RAB2A: variants seen among roughly 807,000 people sequenced by gnomAD.
RAB2A encodes the protein RAB2A, member RAS oncogene family.
Under a neutral mutation model 32.5 loss-of-function variants are expected in RAB2A, and 7 were observed. The ratio of observed to expected loss-of-function variants is 0.22; its 90% CI spans 0.12 to 0.40. The LOEUF is 0.40. RAB2A is among the 10% of genes least tolerant of loss of function. The pLI is 1.00. For missense variants in RAB2A, 108 were observed against 260.7 expected (o/e 0.41, Z 4.03); for synonymous variants, 79 against 85.2 (o/e 0.93, Z 0.40).
Position 60,622,431 on chromosome 8 carries a change from GAA to G in RAB2A, c.*1665_*1666del, listed in dbSNP as rs898783965. ...CTTGAGGGCAGAGGGAAGGGTGAGA[GAA>G]AATCTGTTTTCATGGGTATTTGTAG... is the stretch of plus-strand genomic sequence containing the variant. On this transcript the variant is annotated 3_prime_UTR_variant, in exon 8 of 8. Coordinates refer to ENST00000262646, the MANE Select transcript of RAB2A (RefSeq NM_002865.3). The G allele has an allele frequency of 6.6e-6, 1 of 152,184 alleles. No homozygotes were observed. The highest frequency in any genetic ancestry group is 1.5e-5 in the Non-Finnish European group (1 of 68,030). 9.4% of individuals were successfully genotyped at this position (152,184 alleles called of 1,614,324 possible). A position where few individuals can be genotyped will look rare whatever the true frequency, so the allele number is the denominator to read the frequency against.
At chr8:60,521,158 C>G (rs1807296032) in intron 1 of RAB2A, among the ~76,000 whole-genome samples, 1 of 152,158 alleles carries the variant, frequency 6.6e-6, no homozygotes. Flanking sequence ...AAGGTCTTTG[C>G]CTTTGTCTTA....
At chr8:60,571,211 T>C (rs1287723789) in intron 2 of RAB2A, among the ~76,000 whole-genome samples, 1 of 152,194 alleles carries the variant, frequency 6.6e-6, no homozygotes, top group Non-Finnish European at 1.5e-5. Flanking sequence ...TGTCCTGTAA[T>C]CCTATTTCTT....
chr8:60,547,597 GCGGCCGGGCAGAGGCGCCCCTCACCTCC>G (rs1807756540), intron 1 of RAB2A, among the ~76,000 whole-genome samples: 1 of 125,626 alleles, frequency 8.0e-6, no homozygotes, highest in Non-Finnish European at 1.7e-5. Context: ...CCCAGTAGGG[GCGGCCGGGCAGAGGCGCCCCTCACCTCC>G]CGGACGGGGC....
At chr8:60,534,856 C>T (rs943658291) in intron 1 of RAB2A, among the ~76,000 whole-genome samples, 3 of 152,004 alleles carry the variant, frequency 2.0e-5, no homozygotes, top group Admixed American at 6.6e-5. Context: ...CTAAGTGGGG[C>T]AGATTTCTAC....
chr8:60,570,713 A>C (rs1808186159), intron 2 of RAB2A, among the ~76,000 whole-genome samples: 2 of 152,206 alleles, frequency 1.3e-5, no homozygotes. Context: ...AGCCTAAGAA[A>C]CATAAACATC....
intron 6 of RAB2A, among the ~76,000 whole-genome samples, chr8:60,616,199 G>A (rs977383534): frequency 6.6e-6 from 1 of 152,124 alleles, no homozygotes; most frequent in African/African-American, 2.4e-5. Context: ...AATAAAATTA[G>A]TAGTGACTTA....
chr8:60,543,356 T>C (rs973633466), intron 1 of RAB2A, among the ~76,000 whole-genome samples: 1 of 105,714 alleles, frequency 9.5e-6, no homozygotes, highest in Non-Finnish European at 1.9e-5. Context: ...GCAGCAGAAC[T>C]GTACTCTCTA....
Position 60,566,143 on chromosome 8 carries a change from GTA to G in RAB2A, c.119-5901_119-5900del, listed in dbSNP as rs1808109911. On this transcript the variant is annotated intron_variant, in intron 2 of 7. Transcript: ENST00000262646. ...GGCCCTCCAGCAACCACTGAGTGGT[GTA>G]TGTTTGGTGTGTGTTAGTGCCTTCT... 2.0e-5 allele frequency among the ~76,000 whole-genome samples: 3 copies of G among 152,198 alleles called. No individual in the cohort carries two copies. In the South Asian group the frequency reaches 6.2e-4, roughly 31 times the overall value.
intron 1 of RAB2A, among the ~76,000 whole-genome samples, chr8:60,520,684 T>C (rs1306449970): frequency 1.3e-5 from 2 of 152,254 alleles, no homozygotes; most frequent in African/African-American, 4.8e-5. Context: ...CTGTTGCATT[T>C]TATGCTGGTC....
intron 2 of RAB2A, among the ~76,000 whole-genome samples, chr8:60,570,495 GT>G (rs1468559716): frequency 6.6e-6 from 1 of 151,952 alleles, no homozygotes; most frequent in Non-Finnish European, 1.5e-5. Context: ...TCATTAATGG[GT>G]TTTGTGTATG....
intron 2 of RAB2A, among the ~76,000 whole-genome samples, chr8:60,567,934 T>C (rs1001502711): frequency 6.6e-6 from 1 of 152,226 alleles, no homozygotes; most frequent in African/African-American, 2.4e-5. Context: ...AATATTTTTC[T>C]CAGTATAATT....
At chr8:60,591,592 C>T in intron 5 of RAB2A, 1 of 268,652 alleles carries the variant, frequency 3.7e-6, no homozygotes, top group Admixed American at 4.6e-5. Context: ...AGGTATTAGA[C>T]TAGAGGCTCC....
intron 6 of RAB2A, among the ~76,000 whole-genome samples, chr8:60,599,764 C>A (rs1164990602): frequency 6.6e-6 from 1 of 151,706 alleles, no homozygotes; most frequent in East Asian, 1.9e-4. Flanking sequence ...CTTAAAAAAA[C>A]TAACACAAAA....
chr8:60,606,764 C>T (rs1349390904), intron 6 of RAB2A, among the ~76,000 whole-genome samples: 2 of 152,200 alleles, frequency 1.3e-5, no homozygotes, highest in Non-Finnish European at 2.9e-5. Flanking sequence ...TATACCTGGG[C>T]CTTTTTGAGC....
At chr8:60,587,890 A>C (rs531606738) in intron 5 of RAB2A, among the ~76,000 whole-genome samples, 6 of 152,256 alleles carry the variant, frequency 3.9e-5, no homozygotes, top group South Asian at 4.1e-4. Flanking sequence ...AATGCTTATA[A>C]TTCATTAATA....
intron 6 of RAB2A, among the ~76,000 whole-genome samples, chr8:60,593,238 T>C (rs150139043): frequency 3.9e-4 from 59 of 152,312 alleles, no homozygotes; most frequent in Non-Finnish European, 6.2e-4. Context: ...TAGAGTGTAC[T>C]TACATAAGCC....
intron 6 of RAB2A, among the ~76,000 whole-genome samples, chr8:60,596,932 AAGTG>A (rs909028503): frequency 6.6e-6 from 1 of 152,080 alleles, no homozygotes; most frequent in African/African-American, 2.4e-5. Context: ...AAAAAAATAA[AAGTG>A]AGGAAACAAC....
intron 6 of RAB2A, among the ~76,000 whole-genome samples, chr8:60,596,591 G>A (rs1276529859): frequency 1.3e-5 from 2 of 152,290 alleles, no homozygotes; most frequent in South Asian, 4.1e-4. Context: ...ACCACAATGA[G>A]ATACCATCTC....
intron 3 of RAB2A, among the ~76,000 whole-genome samples, chr8:60,581,969 CAG>C (rs1803765634): frequency 1.4e-5 from 2 of 144,560 alleles, no homozygotes; most frequent in Non-Finnish European, 3.0e-5. Flanking sequence ...TTTAAAGACA[CAG>C]GGCCTCATCT....
Sources: gnomAD v4.1 joint callset for allele counts (sites outside exome capture counted in the v4.1 genomes callset) on GRCh38, gnomAD v4.1.1 for gene constraint, MANE v1.5 for transcripts, NCBI Gene and HGNC (gene_info 2026-07-23, HGNC 2026-07-21) for gene names.